The following NAB2 variants were observed in gnomAD, a reference collection of about 807,000 sequenced individuals.
NAB2 encodes the protein NGFI-A binding protein 2.
Under a neutral mutation model 44.2 loss-of-function variants are expected in NAB2, and 9 were observed. The ratio of observed to expected loss-of-function variants is 0.20; its 90% CI spans 0.12 to 0.36. NAB2 has a LOEUF of 0.36. NAB2 is among the 10% of genes least tolerant of loss of function. NAB2 has a pLI of 1.00. For synonymous variants in NAB2, 342 were observed against 291.0 expected (o/e 1.18, Z -1.78); for missense variants, 514 against 709.0 (o/e 0.73, Z 3.12).
chr12:57,089,770 C>CG (rs1270651216), intron 1 of NAB2, among the ~76,000 whole-genome samples: 3 of 96,952 alleles, frequency 3.1e-5, no homozygotes, highest in African/African-American at 1.3e-4. Flanking sequence ...GGAGCATCAG[C>CG]GGGGGAAAGG....
rs779220896 is a variant in NAB2, at chr12:57,091,566, G to A, written c.525G>A (p.Gly175=). ...GAGAGAAGCTATCACCACTGCCTGG[G>A]GGACCTGGGGCAGGGGACCCCCGGA... is the stretch of plus-strand genomic sequence containing the variant. ...ELGEKLSPLP[G]GPGAGDPRIW... is the part of the protein sequence containing the mutation. The change falls in exon 2 of 7, where the codon GGG becomes GGA. Residue 175 remains glycine (G), a synonymous_variant. Coordinates refer to ENST00000300131, the MANE Select transcript of NAB2 (RefSeq NM_005967.4). This position sits in a 1 kb window ranked among gnomAD's most constrained non-coding sequence, Gnocchi z 7.3. The A allele has an allele frequency of 6.2e-7, 1 of 1,608,150 alleles. No individual in the cohort carries two copies.
rs2033197108 is a variant in NAB2 at position 57,091,917 on chromosome 12, A to G, written c.876A>G (p.Glu292=). ...TGGATGATAATGACAGCCAGAAGGA[A>G]GAGGAGATCCGCAAATACAGCATCA... ...FEMDDNDSQK[E]EEIRKYSIIY... is the part of the protein sequence containing the mutation. Residue 292 remains glutamate, a synonymous_variant, in exon 2 of 7, where the codon GAA becomes GAG. Transcript: ENST00000300131. This position sits in a 1 kb window ranked among gnomAD's most constrained non-coding sequence, Gnocchi z 7.3. The G allele has an allele frequency of 6.2e-7, 1 of 1,614,152 alleles. No homozygotes were observed. The highest frequency in any genetic ancestry group is 8.5e-7 in the Non-Finnish European group (1 of 1,180,000).
intron 1 of NAB2, among the ~76,000 whole-genome samples, chr12:57,089,780 G>C (rs188325290): frequency 8.6e-5 from 13 of 151,986 alleles, no homozygotes; most frequent in Admixed American, 1.3e-4. Flanking sequence ...CGGGGGAAAG[G>C]GGGGGTGACG....
In NAB2 at chr12:57,092,598, A is replaced by G. The variant is rs1368798494; in HGVS notation, c.1091+17A>G. 4 of 1,613,428 alleles carry G rather than the reference A, an allele frequency of 2.5e-6. No homozygotes were observed. Among genetic ancestry groups the G allele is most frequent in the Non-Finnish European group, 3.4e-6 (4 of 1,179,678 alleles). ...GGGCTCCAGGTGAGACCCCTTCCCC[A>G]GGTCCTTCCTGGACTGGAATCCTGC... On this transcript the variant is annotated intron_variant, in intron 3 of 6. Transcript: ENST00000300131.
rs749685124 is a variant in NAB2 at position 57,092,868 on chromosome 12, G to A, written c.1092-49G>A. On this transcript the variant is annotated intron_variant, in intron 3 of 6. Coordinates refer to ENST00000300131, the MANE Select transcript of NAB2 (RefSeq NM_005967.4). ...GGCTGGGTTCTGTGCTCTGCCAGTC[G>A]AGTGGCCCTCGTCAGCCTCATCCAC... 2.1e-5 allele frequency: 33 copies of A among 1,604,128 alleles called. No homozygotes were observed. In the Admixed American group the frequency reaches 3.5e-4, roughly 17 times the overall value.
Position 57,089,140 on chromosome 12 carries a change from A to G in NAB2, c.-132A>G. On this transcript the variant is annotated 5_prime_UTR_variant, in exon 1 of 7. Coordinates refer to ENST00000300131, the MANE Select transcript of NAB2 (RefSeq NM_005967.4). ...GACAGAGGCGCGGAGGCTCGGAGAG[A>G]GAAGACGTGGAGGGAGGGACAGAGC... is the stretch of plus-strand genomic sequence containing the variant. The G allele has an allele frequency of 5.4e-6, 5 of 933,506 alleles. No individual in the cohort carries two copies. Among genetic ancestry groups the G allele is most frequent in the Non-Finnish European group, 8.1e-6 (5 of 618,776 alleles). The allele number at this position is 933,506 out of a possible 1,614,324, so 57.8% of individuals were successfully genotyped here. A position where few individuals can be genotyped will look rare whatever the true frequency, so the allele number is the denominator to read the frequency against.
At chr12:57,092,298 C>T (rs2033207884) in intron 2 of NAB2, 150 bp from the exon 3 acceptor site, 2 of 1,232,542 alleles carry the variant, frequency 1.6e-6, no homozygotes, top group Non-Finnish European at 2.2e-6. Context: ...TCTGTCTTCC[C>T]ACCTCAGAAA....
At position 57,091,063 on chromosome 12, in the gene NAB2, G is replaced by C; in HGVS notation, c.84-62G>C. ...GGAAAGAGGGAACAATTGTTAGTGT[G>C]GGTTGGTACCCAGTAGGGGGACTTG... On this transcript the variant is annotated intron_variant, in intron 1 of 6. Coordinates refer to ENST00000300131, the MANE Select transcript of NAB2 (RefSeq NM_005967.4). This position sits in a 1 kb window ranked among gnomAD's most constrained non-coding sequence, Gnocchi z 7.3. 7.4e-7 allele frequency: 1 copy of C among 1,351,472 alleles called. No individual in the cohort carries two copies. Among genetic ancestry groups the C allele is most frequent in the East Asian group, 2.3e-5 (1 of 43,106 alleles). The allele number at this position is 1,351,472 out of a possible 1,614,324, so 83.7% of individuals were successfully genotyped here.
At chr12:57,093,255 T>C in intron 5 of NAB2, 60 bp downstream of exon 5, 5 of 653,860 alleles carry the variant, frequency 7.6e-6, no homozygotes, top group Non-Finnish European at 1.2e-5. Flanking sequence ...GGGAGGGGGT[T>C]GGGGGAGGAG....
Position 57,094,619 on chromosome 12 carries a change from G to A in NAB2, c.1476G>A (p.Glu492=). The change falls in exon 7 of 7, where the codon GAG becomes GAA. Residue 492 remains glutamate (E), a synonymous_variant. Transcript: ENST00000300131. ...GCCCCCTTTTCCCTGCAGAGTTCGA[G>A]GAAGGGCTGCTGGACAGATGTCCTG... ...VPAKPPLAEF[E]EGLLDRCPAP... 1 of 1,552,832 alleles carries A rather than the reference G, an allele frequency of 6.4e-7. No individual in the cohort carries two copies. The highest frequency in any genetic ancestry group is 8.7e-7 in the Non-Finnish European group (1 of 1,147,632).
At chr12:57,092,752 G>A (rs1182296883) in intron 3 of NAB2, among the ~76,000 whole-genome samples, 165 bp from the exon 4 acceptor site, 1 of 152,146 alleles carries the variant, frequency 6.6e-6, no homozygotes, top group South Asian at 2.1e-4. Context: ...TCCATGTCGG[G>A]TCCCCCCAAC....
chr12:57,092,507 G>C lies in NAB2; in HGVS notation c.1017G>C (p.Arg339=), dbSNP rs770267177. ...TGAGGGACAACACGCTCTTATTACG[G>C]AGAGTGGAGCTCTTCTCTTTGTCCC... is the stretch of plus-strand genomic sequence containing the variant. ...FCMRDNTLLL[R]RVELFSLSRQ... The change falls in exon 3 of 7, where the codon CGG becomes CGC. Residue 339 remains arginine (R), a synonymous_variant. Transcript: ENST00000300131. 7.4e-6 allele frequency: 12 copies of C among 1,614,054 alleles called. No individual in the cohort carries two copies. Among genetic ancestry groups the C allele is most frequent in the South Asian group, 5.5e-5 (5 of 91,090 alleles).
chr12:57,092,205 G>A (rs937157749), intron 2 of NAB2: 18 of 1,057,642 alleles, frequency 1.7e-5, no homozygotes, highest in Admixed American at 1.2e-4. Context: ...AGGCAGCACC[G>A]AGCTGTTCAG....
At chr12:57,094,372 G>GCGGGAGAGAAAGAGAGAGAGA (rs1289431491) in intron 6 of NAB2, among the ~76,000 whole-genome samples, 2 of 151,962 alleles carry the variant, frequency 1.3e-5, no homozygotes, top group Admixed American at 1.3e-4. Flanking sequence ...AACCGAGGAG[G>GCGGGAGAGAAAGAGAGAGAGA]CGGGAGAGAA....
chr12:57,094,562 T>A (rs1347606393), intron 6 of NAB2, 50 bp from the exon 7 acceptor site: 2 of 1,431,220 alleles, frequency 1.4e-6, no homozygotes, highest in African/African-American at 2.8e-5. Flanking sequence ...ACCACCTCTG[T>A]CTGCAGCCAG....
At chr12:57,092,682 C>G in intron 3 of NAB2, 101 bp downstream of exon 3, 1 of 1,464,220 alleles carries the variant, frequency 6.8e-7, no homozygotes, top group African/African-American at 1.4e-5. Context: ...TGCTTCCCGC[C>G]CACCTGGATG....
chr12:57,089,780 G>T lies in NAB2; in HGVS notation c.83+426G>T, dbSNP rs188325290. On this transcript the variant is annotated intron_variant, in intron 1 of 6. Coordinates refer to ENST00000300131, the MANE Select transcript of NAB2 (RefSeq NM_005967.4). ...TTAAAGGAGCATCAGCGGGGGAAAG[G>T]GGGGGTGACGAGGGAGGCAGGGAGG... 8.9e-4 allele frequency among the ~76,000 whole-genome samples: 136 copies of T among 152,104 alleles called. 2 individuals are homozygous for T. The East Asian group carries it at 0.022, about 25-fold the overall frequency.
rs779703115 is a variant in NAB2, at chr12:57,091,329, C to T, written c.288C>T (p.Val96=). 2.5e-6 allele frequency: 4 copies of T among 1,613,146 alleles called. No homozygotes were observed. Among genetic ancestry groups the T allele is most frequent in the African/African-American group, 1.3e-5 (1 of 74,912 alleles). ...GCATGGCCACCAAGCCCCTCCATGTCCGGCGCCTGCAGAAGGCACTGAGAG... is the reference window on the plus strand; with the variant it reads ...GCATGGCCACCAAGCCCCTCCATGTTCGGCGCCTGCAGAAGGCACTGAGAG... The part of the protein sequence containing the change: ...LVGMATKPLH[V]RRLQKALREW... The change falls in exon 2 of 7, where the codon GTC becomes GTT. Residue 96 remains valine, a synonymous_variant. Transcript: ENST00000300131. The surrounding 1 kb of genome is among the most constrained non-coding windows in gnomAD (Gnocchi z 7.3).
chr12:57,091,820 A>G lies in NAB2; in HGVS notation c.779A>G (p.Asp260Gly). The G allele has an allele frequency of 6.2e-7, 1 of 1,614,108 alleles. No homozygotes were observed. Among genetic ancestry groups the G allele is most frequent in the Non-Finnish European group, 8.5e-7 (1 of 1,179,978 alleles). ...ATCTTCCGGAGCTTCCCAAGGGGGG[A>G]TGCTGGGGAGGTCACATCCCTGCTA... ...ERIFRSFPRG[D>G]AGEVTSLLKL... is the part of the protein sequence containing the mutation. The change falls in exon 2 of 7, where the codon GAT (aspartate) becomes GGT (glycine). Residue 260 changes from aspartate to glycine, a missense_variant. Asp to Gly is a moderately conservative substitution (Grantham distance 94, BLOSUM62 -1). Transcript: ENST00000300131. This position sits in a 1 kb window ranked among gnomAD's most constrained non-coding sequence, Gnocchi z 7.3.
Sources: allele counts gnomAD v4.1 joint callset (sites outside exome capture counted in the v4.1 genomes callset), GRCh38; gene constraint gnomAD v4.1.1; non-coding constraint Gnocchi (gnomAD v3.1); transcripts MANE v1.5; gene names NCBI Gene and HGNC (gene_info 2026-07-23, HGNC 2026-07-21).